Variants in HECW1 observed in about 807,000 individuals in gnomAD.
HECW1 encodes HECT, C2 and WW domain containing E3 ubiquitin protein ligase 1.
HECW1 carries 61 observed loss-of-function variants against 182.3 expected under a neutral mutation model. The ratio of observed to expected loss-of-function variants is 0.33; its 90% confidence interval spans 0.27 to 0.41. The LOEUF (loss-of-function observed/expected upper bound fraction) is 0.41. Ranked by LOEUF, HECW1 falls within the 10% of genes least tolerant of loss-of-function variation. The pLI, the probability that HECW1 is intolerant of heterozygous loss-of-function variation, is 1.00. For missense variants in HECW1, 1,739 were observed against 2,108.9 expected (o/e 0.82, Z 3.44); for synonymous variants, 859 against 832.6 (o/e 1.03, Z -0.55).
chr7:43,353,512 A>T (rs960047906), intron 5 of HECW1, among the ~76,000 whole-genome samples: 1 of 152,150 alleles, frequency 6.6e-6, no homozygotes, highest in Non-Finnish European at 1.5e-5. Context: ...CACCAAGATG[A>T]TCACCAGCAA....
At chr7:43,532,551 T>TAG (rs2081034019) in intron 24 of HECW1, among the ~76,000 whole-genome samples, 1 of 152,000 alleles carries the variant, frequency 6.6e-6, no homozygotes, top group Non-Finnish European at 1.5e-5. Flanking sequence ...ATTTCCCCCT[T>TAG]CTCTCTCTGG....
chr7:43,312,018 G>A lies in HECW1; in HGVS notation c.283G>A (p.Asp95Asn). 1 of 1,614,234 alleles carries A rather than the reference G, an allele frequency of 6.2e-7. No homozygotes were observed. The highest frequency in any genetic ancestry group is 8.5e-7 in the Non-Finnish European group (1 of 1,180,026). ...SSYYSIGHSQ[D>N]LVIHWDIKEE... is the part of the protein sequence containing the mutation. Reference sequence around the variant, plus strand: ...CTACTATTCCATCGGGCACTCTCAGGACCTGGTCATCCACTGGGACATAAA... The same window carrying A: ...CTACTATTCCATCGGGCACTCTCAGAACCTGGTCATCCACTGGGACATAAA... The change falls in exon 4 of 30, where the codon GAC (aspartate) becomes AAC (asparagine). Residue 95 changes from aspartate (D) to asparagine (N), a missense_variant. By Grantham distance (23) the Asp-to-Asn change is conservative. This residue lies in a region of HECW1 where 279 missense variants were observed against 353.1 expected (regional missense o/e 0.79). Transcript: ENST00000395891.
At chr7:43,470,424 T>C (rs1056399479) in intron 16 of HECW1, among the ~76,000 whole-genome samples, 2 of 152,104 alleles carry the variant, frequency 1.3e-5, no homozygotes, top group African/African-American at 4.8e-5. Flanking sequence ...ACTGCAGCTT[T>C]TGCACCAAGA....
chr7:43,231,146 G>A (rs1797845156), intron 2 of HECW1, among the ~76,000 whole-genome samples: 1 of 152,184 alleles, frequency 6.6e-6, no homozygotes, highest in African/African-American at 2.4e-5. Flanking sequence ...CTAACATTTA[G>A]AGAGGCTAAC....
chr7:43,543,227 T>C (rs1369798028), intron 26 of HECW1, among the ~76,000 whole-genome samples: 1 of 152,174 alleles, frequency 6.6e-6, no homozygotes, highest in East Asian at 1.9e-4. Flanking sequence ...GTTGTTGTGA[T>C]AGTTAAATCA....
At chr7:43,361,069 T>C (rs980695430) in intron 6 of HECW1, 89 bp downstream of exon 6, 21 of 695,154 alleles carry the variant, frequency 3.0e-5, no homozygotes, top group Non-Finnish European at 4.5e-5. Flanking sequence ...TGTGTGTGTG[T>C]GTGTGTGTGT....
chr7:43,178,706 C>T (rs537290009), intron 2 of HECW1, among the ~76,000 whole-genome samples: 1 of 152,318 alleles, frequency 6.6e-6, no homozygotes, highest in African/African-American at 2.4e-5. Context: ...TGGAAAGAAA[C>T]ATGTCCAAGG....
chr7:43,469,137 A>G, intron 16 of HECW1, 32 bp downstream of exon 16: 1 of 1,602,852 alleles, frequency 6.2e-7, no homozygotes, highest in Non-Finnish European at 8.5e-7. Flanking sequence ...GGCTTTCATC[A>G]AACAGGCTCC....
intron 7 of HECW1, among the ~76,000 whole-genome samples, chr7:43,407,288 G>A (rs866933571): frequency 1.3e-5 from 2 of 152,080 alleles, no homozygotes; most frequent in African/African-American, 4.8e-5. Flanking sequence ...TATATCGTGA[G>A]ACTACAACCC....
At chr7:43,183,126 G>A (rs1294639970) in intron 2 of HECW1, among the ~76,000 whole-genome samples, 1 of 152,026 alleles carries the variant, frequency 6.6e-6, no homozygotes, top group East Asian at 1.9e-4. Flanking sequence ...AGAGTTGTGG[G>A]GAAAAAGGCA....
At chr7:43,541,450 G>A (rs2081361118) in intron 25 of HECW1, among the ~76,000 whole-genome samples, 189 bp downstream of exon 25, 1 of 152,150 alleles carries the variant, frequency 6.6e-6, no homozygotes, top group Non-Finnish European at 1.5e-5. Flanking sequence ...GGTATTTGGG[G>A]ATTTTGTTGT....
At chr7:43,490,900 G>A (rs1467752759) in intron 17 of HECW1, among the ~76,000 whole-genome samples, 9 of 152,140 alleles carry the variant, frequency 5.9e-5, no homozygotes. Flanking sequence ...TAGGATTACA[G>A]GCATGCGCCA....
intron 3 of HECW1, among the ~76,000 whole-genome samples, chr7:43,248,010 AGAGAAAG>A (rs1311880391): frequency 1.8e-5 from 2 of 108,744 alleles, no homozygotes; most frequent in African/African-American, 9.9e-5. Flanking sequence ...GGAAAGAAAG[AGAGAAAG>A]AAGAAAGCAA....
chr7:43,311,924 T>C lies in HECW1; in HGVS notation c.189T>C (p.Ile63=). Reference sequence around the variant, plus strand: ...GCGGCCCCCACGATGGCGTCACCATTCCCCGCTCCACCAGCGACACTGACC... The same window carrying C: ...GCGGCCCCCACGATGGCGTCACCATCCCCCGCTCCACCAGCGACACTGACC... ...LRGGPHDGVT[I]PRSTSDTDLV... The change falls in exon 4 of 30, where the codon ATT becomes ATC. Residue 63 remains isoleucine (I), a synonymous_variant. Coordinates refer to ENST00000395891, the MANE Select transcript of HECW1 (RefSeq NM_015052.5). 1 of 1,613,976 alleles carries C rather than the reference T, an allele frequency of 6.2e-7. No homozygotes were observed. Among genetic ancestry groups the C allele is most frequent in the Non-Finnish European group, 8.5e-7 (1 of 1,179,982 alleles).
rs144524841 is a variant in HECW1, at chr7:43,220,027, G to A, written c.-31-23848G>A. Among the ~76,000 whole-genome samples, 258 of 152,246 alleles carry A rather than the reference G, an allele frequency of 1.7e-3. 1 individual carries two copies. Among genetic ancestry groups the A allele is most frequent in the Non-Finnish European group, 2.6e-3 (174 of 68,020 alleles). ...ACTACCTGGTGCTGGGCCAGACTTC[G>A]CAAGTCAACACGGTCCCCCACACAC... On this transcript the variant is annotated intron_variant, in intron 2 of 29. Transcript: ENST00000395891.
chr7:43,488,509 AAAG>A (rs540429255), intron 17 of HECW1, among the ~76,000 whole-genome samples: 98 of 151,926 alleles, frequency 6.5e-4, no homozygotes, highest in Non-Finnish European at 1.3e-3. Flanking sequence ...AAAGAAAAGA[AAAG>A]AAAGAAAAAG....
chr7:43,385,265 T>C (rs111948299), intron 6 of HECW1, among the ~76,000 whole-genome samples: 1 of 3,396 alleles, frequency 2.9e-4, no homozygotes, highest in Non-Finnish European at 5.4e-4. Context: ...CCCTCCCCTC[T>C]CCCCTCCCCT....
At chr7:43,163,446 G>C (rs1415607934) in intron 2 of HECW1, among the ~76,000 whole-genome samples, 1 of 152,180 alleles carries the variant, frequency 6.6e-6, no homozygotes, top group Admixed American at 6.5e-5. Flanking sequence ...GTGCTGCGAA[G>C]ACTGGGGAGA....
At chr7:43,136,149 C>G (rs938093626) in intron 2 of HECW1, among the ~76,000 whole-genome samples, 1 of 152,032 alleles carries the variant, frequency 6.6e-6, no homozygotes, top group African/African-American at 2.4e-5. Context: ...AGAAGAACCT[C>G]GTCCTGTCTC....
Sources: gnomAD v4.1 joint callset for allele counts (sites outside exome capture counted in the v4.1 genomes callset) on GRCh38, gnomAD v4.1.1 for gene constraint, gnomAD v4.1.1 regional missense constraint, MANE v1.5 for transcripts, NCBI Gene and HGNC (gene_info 2026-07-23, HGNC 2026-07-21) for gene names.